CDKL4: variants seen among roughly 807,000 people sequenced by gnomAD.
CDKL4 encodes cyclin dependent kinase like 4.
Under a neutral mutation model 42.0 loss-of-function variants are expected in CDKL4, and 44 were observed. That is an observed-to-expected ratio of 1.05 (90% CI 0.82 to 1.35). The LOEUF (loss-of-function observed/expected upper bound fraction) is 1.35. CDKL4 is among the 40% of genes most tolerant of loss of function. The pLI is 0.00. For missense variants in CDKL4, 393 were observed against 369.9 expected (o/e 1.06, Z -0.51); for synonymous variants, 120 against 121.6 (o/e 0.99, Z 0.09).
intron 3 of CDKL4, 63 bp from the exon 4 acceptor site, chr2:39,213,535 G>T: frequency 9.1e-7 from 1 of 1,102,906 alleles, no homozygotes; most frequent in Non-Finnish European, 1.4e-6. Context: ...AGCAAGGGCT[G>T]GGAATAGAAG....
chr2:39,235,967 T>A (rs1419662121), intron 1 of CDKL4, among the ~76,000 whole-genome samples: 2 of 152,022 alleles, frequency 1.3e-5, no homozygotes, highest in Non-Finnish European at 2.9e-5. Context: ...AAAAATGGAT[T>A]CTGAGTAGAC....
intron 1 of CDKL4, among the ~76,000 whole-genome samples, chr2:39,243,010 G>A (rs1291184466): frequency 6.6e-6 from 1 of 150,732 alleles, no homozygotes; most frequent in Non-Finnish European, 1.5e-5. Context: ...TGAGGCAAGA[G>A]GATCGCTGAA....
At chr2:39,184,760 T>A (rs1675625820) in intron 7 of CDKL4, 113 bp from the exon 8 acceptor site, 1 of 672,914 alleles carries the variant, frequency 1.5e-6, no homozygotes, top group African/African-American at 1.8e-5. Context: ...TTAGAGATAC[T>A]GTCTCCCTCT....
chr2:39,226,585 C>G (rs867546053), intron 2 of CDKL4, among the ~76,000 whole-genome samples: 1 of 151,112 alleles, frequency 6.6e-6, no homozygotes, highest in South Asian at 2.1e-4. Flanking sequence ...TTTCACAAGA[C>G]AGCCTCTGTT....
rs188206973 is a variant in CDKL4, at chr2:39,197,597, C to G, written c.454+6930G>C. On this transcript the variant is annotated intron_variant, in intron 5 of 9. Coordinates refer to ENST00000451199, the Ensembl canonical transcript of CDKL4. ...ATTAAGGACTCTGAGGCAAAAGCAT[C>G]AGGTACTATAAAGGAAAACCTATCA... Among the ~76,000 whole-genome samples, 548 of 152,268 alleles carry G rather than the reference C, an allele frequency of 3.6e-3. 2 individuals are homozygous for G. Among genetic ancestry groups the G allele is most frequent in the African/African-American group, 0.012 (517 of 41,564 alleles).
At chr2:39,212,103 G>A (rs1422849701) in intron 4 of CDKL4, among the ~76,000 whole-genome samples, 2 of 152,154 alleles carry the variant, frequency 1.3e-5, no homozygotes, top group Admixed American at 6.5e-5. Flanking sequence ...GCACATTCTT[G>A]GGGCCCTACC....
rs114044258 is a variant in CDKL4, at chr2:39,214,434, C to T, written c.291-962G>A. On this transcript the variant is annotated intron_variant, in intron 3 of 9. Coordinates refer to ENST00000451199, the Ensembl canonical transcript of CDKL4. Reference sequence around the variant, plus strand: ...ATATTTTAGAGGCTCCAGAGGAGATCATTATATGGATATATCATAATTTAC... The same window carrying T: ...ATATTTTAGAGGCTCCAGAGGAGATTATTATATGGATATATCATAATTTAC... Among the ~76,000 whole-genome samples, 1,105 of 152,198 alleles carry T rather than the reference C, an allele frequency of 7.3e-3. 12 individuals are homozygous for T. The highest frequency in any genetic ancestry group is 0.026 in the African/African-American group (1,060 of 41,498).
At chr2:39,237,006 T>C (rs944428164) in intron 1 of CDKL4, among the ~76,000 whole-genome samples, 1 of 152,176 alleles carries the variant, frequency 6.6e-6, no homozygotes, top group African/African-American at 2.4e-5. Flanking sequence ...TTTGAAAACA[T>C]AGAAGAGGAG....
chr2:39,203,477 C>T (rs1173717912), intron 5 of CDKL4, among the ~76,000 whole-genome samples: 1 of 152,186 alleles, frequency 6.6e-6, no homozygotes, highest in Non-Finnish European at 1.5e-5. Context: ...ATCTATGACA[C>T]CGCATCTATA....
chr2:39,213,601 A>G (rs538937247), intron 3 of CDKL4, 129 bp from the exon 4 acceptor site: 153 of 480,588 alleles, frequency 3.2e-4, no homozygotes, highest in Non-Finnish European at 5.2e-4. Context: ...GGTCCTAAAA[A>G]TATATTTTAG....
At chr2:39,178,682 T>C (rs765151802) in intron 9 of CDKL4, 4 of 1,608,118 alleles carry the variant, frequency 2.5e-6, no homozygotes, top group Non-Finnish European at 2.5e-6. Context: ...GGTTCCCAGA[T>C]GTCTGGGTTT....
Position 39,214,263 on chromosome 2 carries a change from C to T in CDKL4, c.291-791G>A, listed in dbSNP as rs189858509. Among the ~76,000 whole-genome samples, 14 of 152,124 alleles carry T rather than the reference C, an allele frequency of 9.2e-5. No individual in the cohort carries two copies. In the East Asian group the frequency reaches 2.1e-3, roughly 23 times the overall value. ...ACTTTAATTTTAAAATAAAAACATT[C>T]GTATGGTTCAAATTTTAAACATATA... is the stretch of plus-strand genomic sequence containing the variant. On this transcript the variant is annotated intron_variant, in intron 3 of 9. Coordinates refer to ENST00000451199, the Ensembl canonical transcript of CDKL4.
rs1401264527 is a variant in CDKL4, at chr2:39,229,483, AC to A, written c.49del (p.Val17LeufsTer13). On this transcript the variant is annotated frameshift_variant, in exon 2 of 10. Coordinates refer to ENST00000451199, the Ensembl canonical transcript of CDKL4. LOFTEE classifies it high-confidence loss of function. Reference sequence around the variant, plus strand: ...GGTTTTGTTTCTGCATTTGAATACAACCCCATAAGACCCTTCTCCAGTCTTA... The same window carrying A: ...GGTTTTGTTTCTGCATTTGAATACAACCCATAAGACCCTTCTCCAGTCTTA... 1 of 1,611,196 alleles carries A rather than the reference AC, an allele frequency of 6.2e-7. No individual in the cohort carries two copies. Among genetic ancestry groups the A allele is most frequent in the Non-Finnish European group, 8.5e-7 (1 of 1,179,360 alleles).
At position 39,209,766 on chromosome 2, in the gene CDKL4, G is replaced by T. The variant is rs574908644; in HGVS notation, c.363+3634C>A. Among the ~76,000 whole-genome samples the T allele has an allele frequency of 9.9e-5, 15 of 152,224 alleles. No homozygotes were observed. In the East Asian group the frequency reaches 2.7e-3, roughly 27 times the overall value. ...CTGTGAGTCGTCAGCAACACCACTA[G>T]GTCAGATTGCCTTTTCTACTCTTTG... On this transcript the variant is annotated intron_variant, in intron 4 of 9. Transcript: ENST00000451199.
At chr2:39,174,443 G>C (rs1016535485), downstream of CDKL4, among the ~76,000 whole-genome samples, 2 of 151,342 alleles carry the variant, frequency 1.3e-5, no homozygotes, top group African/African-American at 2.4e-5. Context: ...CTATTGCTTA[G>C]ATGTCATAAT....
At chr2:39,178,929 C>G in intron 9 of CDKL4, 1 of 1,446,362 alleles carries the variant, frequency 6.9e-7, no homozygotes, top group Non-Finnish European at 9.1e-7. Flanking sequence ...GGTGGGATAT[C>G]CAATCAGAGC....
chr2:39,216,988 C>T (rs369417139), intron 3 of CDKL4, among the ~76,000 whole-genome samples: 14 of 152,214 alleles, frequency 9.2e-5, no homozygotes, highest in Admixed American at 5.9e-4. Flanking sequence ...CACCACTGAT[C>T]GTGCAAAGAG....
intron 5 of CDKL4, among the ~76,000 whole-genome samples, chr2:39,199,428 C>G (rs917554674): frequency 6.6e-6 from 1 of 152,064 alleles, no homozygotes; most frequent in Non-Finnish European, 1.5e-5. Context: ...AAAATTGGTA[C>G]TAATCCTATT....
intron 5 of CDKL4, 96 bp from the exon 6 acceptor site, chr2:39,190,598 G>C: frequency 1.0e-6 from 1 of 991,702 alleles, no homozygotes; most frequent in Non-Finnish European, 1.6e-6. Context: ...ATAACCATCA[G>C]AGGCCATGAT....
Sources: gnomAD v4.1 joint callset for allele counts (sites outside exome capture counted in the v4.1 genomes callset) on GRCh38, gnomAD v4.1.1 for gene constraint, MANE v1.5 for transcripts, NCBI Gene and HGNC (gene_info 2026-07-23, HGNC 2026-07-21) for gene names.